Variants in ITPR2 observed in about 807,000 individuals in gnomAD.
The protein encoded by ITPR2 is inositol 1,4,5-trisphosphate receptor type 2.
In ITPR2, 207 loss-of-function variants were observed where a neutral mutation model predicts 317.1. That is an observed-to-expected ratio of 0.65 (90% CI 0.58 to 0.73). The LOEUF (loss-of-function observed/expected upper bound fraction) is 0.73. Among genes scored for constraint, ITPR2 ranks in the 30% least tolerant of loss-of-function variants. The pLI is 0.00. For missense variants in ITPR2, 2,613 were observed against 3,284.0 expected, an observed-to-expected ratio of 0.80 and a Z score of 4.99; for synonymous variants, 1,156 against 1,149.1, an observed-to-expected ratio of 1.01 and a Z score of -0.12.
intron 2 of ITPR2, among the ~76,000 whole-genome samples, chr12:26,727,105 C>T (rs1948942541): frequency 6.6e-6 from 1 of 152,156 alleles, no homozygotes; most frequent in Admixed American, 6.5e-5. Flanking sequence ...ACACCTAGCA[C>T]GTGTGTGACC....
At chr12:26,715,185 AT>A (rs1195916130) in intron 8 of ITPR2, 113 bp downstream of exon 8, 1 of 995,698 alleles carries the variant, frequency 1.0e-6, no homozygotes, top group East Asian at 2.5e-5. Context: ...CACAAAAATT[AT>A]TCTATTTTAT....
Position 26,725,738 on chromosome 12 carries a change from T to C in ITPR2, c.191A>G (p.Asn64Ser), listed in dbSNP as rs752814982. ...RDCLFKVCPMNRYSAQKQYWK... is the reference protein window; with the variant it reads ...RDCLFKVCPMSRYSAQKQYWK... ...ATATTGCTTCTGGGCAGAATATCTG[T>C]TCATAGGGCACACCTTGAAAAGGCA... Residue 64 changes from asparagine (N) to serine (S), a missense_variant, in exon 3 of 57, where the codon AAC (asparagine) becomes AGC (serine). Asn to Ser is a conservative substitution (Grantham distance 46). Transcript: ENST00000381340. 1 of 1,613,140 alleles carries C rather than the reference T, an allele frequency of 6.2e-7. No homozygotes were observed. The highest frequency in any genetic ancestry group is 1.3e-5 in the African/African-American group (1 of 74,990).
intron 52 of ITPR2, among the ~76,000 whole-genome samples, chr12:26,410,520 C>T (rs114915298): frequency 0.012 from 1,846 of 152,168 alleles, 40 homozygotes; most frequent in African/African-American, 0.042. Flanking sequence ...TGGGGAACTC[C>T]GCACCTACAC....
chr12:26,746,055 C>A (rs1214072049), intron 2 of ITPR2, among the ~76,000 whole-genome samples: 1 of 151,946 alleles, frequency 6.6e-6, no homozygotes, highest in Non-Finnish European at 1.5e-5. Flanking sequence ...CTGTGAATCC[C>A]TCAAATTCAA....
At chr12:26,426,065 G>A (rs1941051891) in intron 49 of ITPR2, among the ~76,000 whole-genome samples, 1 of 152,128 alleles carries the variant, frequency 6.6e-6, no homozygotes, top group Non-Finnish European at 1.5e-5. Flanking sequence ...TCAGCTTCTG[G>A]ATGGCAAGAA....
At chr12:26,691,732 G>A (rs552120829) in intron 10 of ITPR2, among the ~76,000 whole-genome samples, 5 of 152,128 alleles carry the variant, frequency 3.3e-5, no homozygotes, top group Admixed American at 6.5e-5. Context: ...CAAATTTTTA[G>A]CACAGACATC....
Position 26,613,172 on chromosome 12 carries a change from T to C in ITPR2, c.3462+7951A>G, listed in dbSNP as rs571556344. Among the ~76,000 whole-genome samples the C allele has an allele frequency of 9.8e-5, 15 of 152,324 alleles. No individual in the cohort carries two copies. The South Asian group carries it at 3.1e-3, about 32-fold the overall frequency. ...CAAGTTAGCATGAAAACAACGGGAC[T>C]GAAATGTACACTTTACACAGCATTT... On this transcript the variant is annotated intron_variant, in intron 26 of 56. Transcript: ENST00000381340.
chr12:26,481,803 C>T (rs1942550761), intron 42 of ITPR2, among the ~76,000 whole-genome samples: 1 of 152,160 alleles, frequency 6.6e-6, no homozygotes, highest in Non-Finnish European at 1.5e-5. Flanking sequence ...TGTTTGGGGA[C>T]ATGCTGTCAA....
intron 37 of ITPR2, among the ~76,000 whole-genome samples, chr12:26,534,034 G>A (rs760397872): frequency 5.3e-5 from 8 of 152,070 alleles, no homozygotes; most frequent in Non-Finnish European, 7.4e-5. Flanking sequence ...TTCTCTCCCT[G>A]GCATCTAATC....
At position 26,609,379 on chromosome 12, in the gene ITPR2, G is replaced by A. The variant is rs538774978; in HGVS notation, c.3463-6673C>T. Among the ~76,000 whole-genome samples the A allele has an allele frequency of 3.3e-5, 5 of 152,296 alleles. No homozygotes were observed. In the South Asian group the frequency reaches 1.0e-3, roughly 32 times the overall value. ...CCCAGCACTTTGGGAGGCTAAAGTA[G>A]GTGGGTTGCTTGAGCTCAAGAGTTC... On this transcript the variant is annotated intron_variant, in intron 26 of 56. Transcript: ENST00000381340.
At chr12:26,580,584 C>T (rs1393299443) in intron 32 of ITPR2, among the ~76,000 whole-genome samples, 1 of 152,148 alleles carries the variant, frequency 6.6e-6, no homozygotes, top group Non-Finnish European at 1.5e-5. Flanking sequence ...ACTCCCAACC[C>T]TCACTCAAAT....
In ITPR2 at chr12:26,481,152, C is replaced by T; in HGVS notation, c.6102G>A (p.Met2034Ile). Residue 2034 changes from methionine (M) to isoleucine (I), a missense_variant, in exon 43 of 57, where the codon ATG becomes ATA. Met to Ile is a conservative substitution (Grantham distance 10, BLOSUM62 1). Around this residue, in one of 9 missense-constraint regions of ITPR2, gnomAD observed 926 missense variants for 1,072.8 expected, o/e 0.86. Coordinates refer to ENST00000381340, the MANE Select transcript of ITPR2 (RefSeq NM_002223.4). ...CTACCTTTAGCTGGAGCACCAGGTC[C>T]ATTCGGTATTTACCAAGAGGGTTTA... ...NDINPLGKYR[M>I]DLVLQLKNNA... is the part of the protein sequence containing the mutation. 1 of 1,610,196 alleles carries T rather than the reference C, an allele frequency of 6.2e-7. No homozygotes were observed. The highest frequency in any genetic ancestry group is 8.5e-7 in the Non-Finnish European group (1 of 1,176,494).
intron 34 of ITPR2, among the ~76,000 whole-genome samples, chr12:26,572,662 T>C (rs1439985371): frequency 1.3e-5 from 2 of 152,202 alleles, no homozygotes; most frequent in Non-Finnish European, 2.9e-5. Context: ...ATTCAGTTGA[T>C]GTAAGATAAG....
chr12:26,602,304 C>CT (rs1946019412), intron 28 of ITPR2, 66 bp downstream of exon 28: 1 of 1,535,634 alleles, frequency 6.5e-7, no homozygotes, highest in East Asian at 2.3e-5. Context: ...TTTCTTGGAA[C>CT]TTTGCAAAAC....
chr12:26,768,571 T>TTAAAA, intron 2 of ITPR2, among the ~76,000 whole-genome samples: 1 of 96,164 alleles, frequency 1.0e-5, no homozygotes, highest in East Asian at 4.3e-4. Context: ...CAAATATATA[T>TTAAAA]AAAAAAAAAA....
chr12:26,819,532 C>T (rs867141681), intron 1 of ITPR2, among the ~76,000 whole-genome samples: 10 of 152,182 alleles, frequency 6.6e-5, no homozygotes, highest in African/African-American at 2.2e-4. Flanking sequence ...CCCAACTACT[C>T]GCTGCATTTT....
At chr12:26,789,034 T>C (rs1950302399) in intron 2 of ITPR2, among the ~76,000 whole-genome samples, 1 of 152,192 alleles carries the variant, frequency 6.6e-6, no homozygotes, top group South Asian at 2.1e-4. Context: ...GTGGAAACTA[T>C]TTACTGCAAG....
At chr12:26,674,877 G>C (rs1277813108) in intron 13 of ITPR2, among the ~76,000 whole-genome samples, 1 of 151,566 alleles carries the variant, frequency 6.6e-6, no homozygotes, top group East Asian at 1.9e-4. Flanking sequence ...CCATCAAAAA[G>C]TGGGCAAAGG....
At chr12:26,604,964 T>A (rs960030152) in intron 26 of ITPR2, among the ~76,000 whole-genome samples, 4 of 151,698 alleles carry the variant, frequency 2.6e-5, no homozygotes, top group Non-Finnish European at 5.9e-5. Context: ...GGTGGATGCC[T>A]GTAATCCCAG....
Sources: allele counts gnomAD v4.1 joint callset (sites outside exome capture counted in the v4.1 genomes callset), GRCh38; gene constraint gnomAD v4.1.1; regional missense constraint gnomAD v4.1.1; transcripts MANE v1.5; gene names NCBI Gene and HGNC (gene_info 2026-07-23, HGNC 2026-07-21).